Variants in AGBL1 observed in about 807,000 individuals in gnomAD.
AGBL1 encodes the protein cytosolic carboxypeptidase 4.
In AGBL1, 130 loss-of-function variants were observed where a neutral mutation model predicts 118.9. The observed-to-expected ratio is 1.09, with a 90% CI of 0.95 to 1.26. The LOEUF (loss-of-function observed/expected upper bound fraction) is 1.26, where lower values mean the gene tolerates loss of function less well. Among genes scored for constraint, AGBL1 ranks in the 50% most tolerant of loss-of-function variants. AGBL1 has a pLI of 0.00. For missense variants in AGBL1, 1,584 were observed against 1,298.1 expected, an observed-to-expected ratio of 1.22 and a Z score of -3.38; for synonymous variants, 555 against 478.9, an observed-to-expected ratio of 1.16 and a Z score of -2.08.
chr15:86,225,085 C>A, intron 6 of AGBL1, 134 bp downstream of exon 6: 1 of 891,814 alleles, frequency 1.1e-6, no homozygotes. Flanking sequence ...ATGGCTAATT[C>A]CTGACCTTGA....
chr15:86,777,999 T>C (rs1486711312), intron 22 of AGBL1, among the ~76,000 whole-genome samples: 1 of 152,154 alleles, frequency 6.6e-6, no homozygotes, highest in East Asian at 1.9e-4. Context: ...TTCTTTTCTA[T>C]GTTCCCTAAG....
chr15:86,819,968 A>G (rs990490409), intron 22 of AGBL1, among the ~76,000 whole-genome samples: 1 of 152,308 alleles, frequency 6.6e-6, no homozygotes, highest in East Asian at 1.9e-4. Context: ...AACAGAACAG[A>G]GGCCTCAGAA....
chr15:86,890,337 G>T (rs2080035478), intron 22 of AGBL1, among the ~76,000 whole-genome samples: 1 of 152,092 alleles, frequency 6.6e-6, no homozygotes, highest in Non-Finnish European at 1.5e-5. Flanking sequence ...CATTCTGTAG[G>T]TTGTTTTTTC....
At chr15:86,756,084 A>T (rs1205390020) in intron 22 of AGBL1, among the ~76,000 whole-genome samples, 1 of 152,126 alleles carries the variant, frequency 6.6e-6, no homozygotes, top group Non-Finnish European at 1.5e-5. Flanking sequence ...ATGCAGAAAT[A>T]TAGTAGGGTC....
intron 22 of AGBL1, among the ~76,000 whole-genome samples, chr15:86,781,631 T>C (rs1009682050): frequency 6.6e-6 from 1 of 152,180 alleles, no homozygotes; most frequent in East Asian, 1.9e-4. Flanking sequence ...AACAGTGACA[T>C]TAAACCTATC....
chr15:86,340,983 C>A (rs922897953), intron 17 of AGBL1, among the ~76,000 whole-genome samples: 1 of 152,206 alleles, frequency 6.6e-6, no homozygotes, highest in Admixed American at 6.5e-5. Flanking sequence ...TCCCTACTCT[C>A]ACTAGGGCTC....
chr15:86,113,626 T>C (rs1897575402), intron 1 of AGBL1, among the ~76,000 whole-genome samples: 1 of 152,128 alleles, frequency 6.6e-6, no homozygotes, highest in Non-Finnish European at 1.5e-5. Context: ...TCGAGCTATT[T>C]GAGTAGCTGC....
intron 23 of AGBL1, among the ~76,000 whole-genome samples, chr15:86,987,442 C>T (rs2081296462): frequency 6.6e-6 from 1 of 152,160 alleles, no homozygotes; most frequent in South Asian, 2.1e-4. Flanking sequence ...TTATCAACTA[C>T]AAATAAGACA....
chr15:86,549,902 G>GAGGAAGGA (rs1180465731), intron 20 of AGBL1, among the ~76,000 whole-genome samples: 2 of 132,720 alleles, frequency 1.5e-5, no homozygotes, highest in African/African-American at 5.4e-5. Context: ...GGGAGGGAGG[G>GAGGAAGGA]AGGAAGGAAG....
chr15:86,545,926 T>C (rs567843958), intron 19 of AGBL1, 76 bp from the exon 20 acceptor site: 1 of 1,515,938 alleles, frequency 6.6e-7, no homozygotes, highest in South Asian at 1.2e-5. Context: ...GGAACATGAG[T>C]AGATACGATT....
intron 5 of AGBL1, among the ~76,000 whole-genome samples, chr15:86,192,787 G>GA (rs2077743766): frequency 6.6e-6 from 1 of 152,020 alleles, no homozygotes; most frequent in Admixed American, 6.6e-5. Flanking sequence ...AAAAAATTTG[G>GA]AATTCATAAC....
intron 21 of AGBL1, among the ~76,000 whole-genome samples, chr15:86,587,071 T>A (rs12907741): frequency 3.2e-4 from 48 of 152,154 alleles, no homozygotes; most frequent in Admixed American, 1.2e-3. Flanking sequence ...CCCATCAGAT[T>A]TGCAACTGAG....
chr15:86,536,515 T>G (rs1395803941), intron 19 of AGBL1, among the ~76,000 whole-genome samples: 1 of 152,178 alleles, frequency 6.6e-6, no homozygotes, highest in African/African-American at 2.4e-5. Context: ...TTCACCATGT[T>G]GGCTAGGATG....
intron 22 of AGBL1, among the ~76,000 whole-genome samples, chr15:86,863,524 C>G (rs1009616634): frequency 1.3e-5 from 2 of 149,762 alleles, no homozygotes; most frequent in African/African-American, 4.9e-5. Flanking sequence ...TTACTGGGCT[C>G]AGTTTTCTTT....
intron 24 of AGBL1, chr15:86,988,366 G>A (rs2081305092): frequency 1.5e-5 from 4 of 274,672 alleles, no homozygotes; most frequent in African/African-American, 4.4e-5. Context: ...ATCTCAATTG[G>A]TGGATCCCTT....
At chr15:86,593,459 G>C (rs942265238) in intron 21 of AGBL1, among the ~76,000 whole-genome samples, 4 of 152,096 alleles carry the variant, frequency 2.6e-5, no homozygotes, top group African/African-American at 9.7e-5. Flanking sequence ...TAACACTAAA[G>C]AGTATGTTCT....
At chr15:86,117,657 A>G (rs1027137897) in intron 1 of AGBL1, among the ~76,000 whole-genome samples, 2 of 152,228 alleles carry the variant, frequency 1.3e-5, no homozygotes, top group African/African-American at 2.4e-5. Context: ...AGAGGTATTC[A>G]AAACTCTTCT....
chr15:86,859,687 C>T (rs1170541741), intron 22 of AGBL1, among the ~76,000 whole-genome samples: 4 of 152,072 alleles, frequency 2.6e-5, no homozygotes, highest in East Asian at 1.9e-4. Flanking sequence ...CTGGACGAGT[C>T]GCCTTAGAAA....
chr15:86,965,620 T>C (rs1488724659), intron 23 of AGBL1, among the ~76,000 whole-genome samples: 1 of 152,102 alleles, frequency 6.6e-6, no homozygotes, highest in Non-Finnish European at 1.5e-5. Context: ...CCATCAATGA[T>C]AGACTGGATA....
Sources: gnomAD v4.1 joint callset for allele counts (sites outside exome capture counted in the v4.1 genomes callset) on GRCh38, gnomAD v4.1.1 for gene constraint, MANE v1.5 for transcripts, NCBI Gene and HGNC (gene_info 2026-07-23, HGNC 2026-07-21) for gene names.